CDH4: variants seen among roughly 807,000 people sequenced by gnomAD.
The protein encoded by CDH4 is cadherin 4, also known as cadherin-4.
CDH4 carries 33 observed loss-of-function variants against 86.0 expected under a neutral mutation model. The observed-to-expected ratio is 0.38, with a 90% confidence interval of 0.29 to 0.51. CDH4 has a LOEUF of 0.51. Ranked by LOEUF, CDH4 falls within the 20% of genes least tolerant of loss-of-function variation. CDH4 has a pLI of 0.86. For synonymous variants in CDH4, 555 were observed against 549.4 expected, an observed-to-expected ratio of 1.01 and a Z score of -0.14; for missense variants, 1,114 against 1,307.4, an observed-to-expected ratio of 0.85 and a Z score of 2.28.
intron 3 of CDH4, among the ~76,000 whole-genome samples, chr20:61,760,148 G>C (rs2145968431): frequency 6.6e-6 from 1 of 152,264 alleles, no homozygotes; most frequent in East Asian, 1.9e-4. Flanking sequence ...CGCTTTTGGT[G>C]GGAGGCAAGG....
Position 61,867,548 on chromosome 20 carries a change from CA to C in CDH4, c.878-6166del, listed in dbSNP as rs3079324. ...CTGGGCGACAGAGCAAGACTCCATC[CA>C]AAAAAAAAAAAAAGAGAGAGAGAGA... is the stretch of plus-strand genomic sequence containing the variant. On this transcript the variant is annotated intron_variant, in intron 6 of 15. Transcript: ENST00000614565. Among the ~76,000 whole-genome samples, 30 of 88,030 alleles carry C rather than the reference CA, an allele frequency of 3.4e-4. No homozygotes were observed. In the South Asian group the frequency reaches 7.1e-3, roughly 21 times the overall value. The allele number at this position is 88,030 out of a possible 152,430, so 57.8% of individuals were successfully genotyped here.
chr20:61,262,372 G>A (rs1362271176), intron 2 of CDH4, among the ~76,000 whole-genome samples: 3 of 151,256 alleles, frequency 2.0e-5, no homozygotes, highest in African/African-American at 4.9e-5. Flanking sequence ...AAGATGTGGT[G>A]CTTTCCGAGG....
intron 2 of CDH4, among the ~76,000 whole-genome samples, chr20:61,288,614 C>T (rs1263716996): frequency 1.3e-5 from 2 of 152,182 alleles, no homozygotes; most frequent in Non-Finnish European, 1.5e-5. Flanking sequence ...GCCAGAGCTG[C>T]GGTTACCACG....
chr20:61,561,963 C>T (rs1019397158), intron 2 of CDH4, among the ~76,000 whole-genome samples: 11 of 152,184 alleles, frequency 7.2e-5, no homozygotes, highest in Admixed American at 3.3e-4. Flanking sequence ...CCCCAGGGCT[C>T]CCAGAGAGAG....
intron 2 of CDH4, among the ~76,000 whole-genome samples, chr20:61,613,226 G>C (rs2086699110): frequency 6.6e-6 from 1 of 152,022 alleles, no homozygotes; most frequent in East Asian, 1.9e-4. Flanking sequence ...CTTTACCCAA[G>C]TGCTTCAGAA....
At chr20:61,831,355 G>A (rs1177359488) in intron 4 of CDH4, among the ~76,000 whole-genome samples, 7 of 152,198 alleles carry the variant, frequency 4.6e-5, no homozygotes, top group Admixed American at 3.3e-4. Flanking sequence ...CCATTTCTTT[G>A]TAAAAAGTTG....
At chr20:61,259,986 T>C (rs1283490190) in intron 2 of CDH4, among the ~76,000 whole-genome samples, 2 of 152,106 alleles carry the variant, frequency 1.3e-5, no homozygotes, top group Non-Finnish European at 2.9e-5. Flanking sequence ...GAACACAAAT[T>C]GGGTCCCAGA....
At chr20:61,722,433 A>G (rs2088052922) in intron 2 of CDH4, among the ~76,000 whole-genome samples, 3 of 152,156 alleles carry the variant, frequency 2.0e-5, no homozygotes, top group Non-Finnish European at 4.4e-5. Context: ...TCACCTCCTC[A>G]GGCCTCTGAA....
chr20:61,742,967 C>T (rs1173915931), intron 2 of CDH4, among the ~76,000 whole-genome samples: 1 of 152,148 alleles, frequency 6.6e-6, no homozygotes, highest in Non-Finnish European at 1.5e-5. Context: ...CCTGCCTAGC[C>T]CACCCCAAGG....
chr20:61,820,696 C>T (rs1980974692), intron 4 of CDH4, among the ~76,000 whole-genome samples: 1 of 152,194 alleles, frequency 6.6e-6, no homozygotes, highest in South Asian at 2.1e-4. Context: ...CCCTCAAGGC[C>T]TGGAGGCAGC....
At position 61,924,461 on chromosome 20, in the gene CDH4, C is replaced by T; in HGVS notation, c.1756C>T (p.Leu586=). The change falls in exon 11 of 16, where the codon CTG becomes TTG. Residue 586 remains leucine (L), a synonymous_variant. Coordinates refer to ENST00000614565, the MANE Select transcript of CDH4 (RefSeq NM_001794.5). ...TKNNVYEATF[L]AADNGIPPAS... ...AAACAACGTCTACGAGGCCACCTTCCTGGCAGCTGACAATGGTGCGGCCCA... is the reference window on the plus strand; with the variant it reads ...AAACAACGTCTACGAGGCCACCTTCTTGGCAGCTGACAATGGTGCGGCCCA... 6.2e-7 allele frequency: 1 copy of T among 1,613,532 alleles called. No homozygotes were observed. Among genetic ancestry groups the T allele is most frequent in the Non-Finnish European group, 8.5e-7 (1 of 1,179,802 alleles).
intron 3 of CDH4, among the ~76,000 whole-genome samples, chr20:61,750,511 A>G (rs1746726872): frequency 1.3e-5 from 2 of 152,206 alleles, no homozygotes; most frequent in Admixed American, 6.5e-5. Context: ...CTCCACTAGT[A>G]AGTTCTACCC....
At chr20:61,786,140 C>G (rs1258893133) in intron 4 of CDH4, among the ~76,000 whole-genome samples, 1 of 152,120 alleles carries the variant, frequency 6.6e-6, no homozygotes, top group Non-Finnish European at 1.5e-5. Flanking sequence ...AAACAAGGAC[C>G]CTTGAGAAAG....
chr20:61,564,772 A>G (rs2086251148), intron 2 of CDH4, among the ~76,000 whole-genome samples: 1 of 152,198 alleles, frequency 6.6e-6, no homozygotes, highest in South Asian at 2.1e-4. Flanking sequence ...GGGATCGGGA[A>G]GGAATAGAAG....
chr20:61,375,479 T>C (rs1428783301), intron 2 of CDH4, among the ~76,000 whole-genome samples: 4 of 151,746 alleles, frequency 2.6e-5, no homozygotes, highest in Admixed American at 6.6e-5. Context: ...GTGTGGTTTA[T>C]TGATGGCAGT....
Position 61,609,313 on chromosome 20 carries a change from C to T in CDH4, c.170-134250C>T, listed in dbSNP as rs572795782. Among the ~76,000 whole-genome samples the T allele has an allele frequency of 1.1e-3, 175 of 152,294 alleles. 1 individual carries two copies. Among genetic ancestry groups the T allele is most frequent in the African/African-American group, 4.1e-3 (169 of 41,560 alleles). The stretch of plus-strand genomic sequence containing the variant: ...TTCATCTTTCCTGTTGCAGAATCCC[C>T]TCCAGTGTGTGCTCCACCGGGCAGC... On this transcript the variant is annotated intron_variant, in intron 2 of 15. Transcript: ENST00000614565.
chr20:61,831,278 G>T (rs1981597540), intron 4 of CDH4, among the ~76,000 whole-genome samples: 1 of 152,250 alleles, frequency 6.6e-6, no homozygotes. Flanking sequence ...AAATCATGGT[G>T]ATGGGTCCTC....
intron 2 of CDH4, among the ~76,000 whole-genome samples, chr20:61,439,515 A>G (rs1236497961): frequency 2.6e-5 from 4 of 152,250 alleles, no homozygotes; most frequent in Non-Finnish European, 5.9e-5. Context: ...GCTTGGAGAT[A>G]TGCTGGCAGC....
At chr20:61,414,839 C>T (rs1013710819) in intron 2 of CDH4, among the ~76,000 whole-genome samples, 1 of 152,210 alleles carries the variant, frequency 6.6e-6, no homozygotes, top group Admixed American at 6.5e-5. Context: ...TGCCTCCTCC[C>T]GTGGTGAGAG....
Sources: gnomAD v4.1 joint callset for allele counts (sites outside exome capture counted in the v4.1 genomes callset) on GRCh38, gnomAD v4.1.1 for gene constraint, MANE v1.5 for transcripts, NCBI Gene and HGNC (gene_info 2026-07-23, HGNC 2026-07-21) for gene names.